The following SETMAR variants were observed in gnomAD, a reference collection of about 807,000 sequenced individuals.
The protein encoded by SETMAR is SET and mariner transposase domain methyltransferase, also known as histone-lysine N-methyltransferase SETMAR.
SETMAR carries 44 observed loss-of-function variants against 58.4 expected under a neutral mutation model. The observed-to-expected ratio is 0.75, with a 90% CI of 0.59 to 0.97. The LOEUF (loss-of-function observed/expected upper bound fraction) is 0.97. Ranked by LOEUF, SETMAR falls within the 50% of genes least tolerant of loss-of-function variation. The pLI, the probability that SETMAR is intolerant of heterozygous loss-of-function variation, is 0.00. For synonymous variants in SETMAR, 332 were observed against 307.4 expected, an observed-to-expected ratio of 1.08 and a Z score of -0.84; for missense variants, 903 against 840.2, an observed-to-expected ratio of 1.07 and a Z score of -0.92.
chr3:4,304,553 G>T (rs1052481102), intron 1 of SETMAR, among the ~76,000 whole-genome samples: 5 of 152,218 alleles, frequency 3.3e-5, no homozygotes, highest in Non-Finnish European at 7.3e-5. Context: ...GGAGAGTATG[G>T]TTCGGAGCTT....
At chr3:4,305,201 T>TCAGCTTCCCGAGTAGCTGGAATTA in intron 1 of SETMAR, among the ~76,000 whole-genome samples, 1 of 152,142 alleles carries the variant, frequency 6.6e-6, no homozygotes, top group South Asian at 2.1e-4. Context: ...TTCTTCCACC[T>TCAGCTTCCCGAGTAGCTGGAATTA]CAGCTTCCCG....
chr3:4,306,129 A>G (rs182977452), intron 1 of SETMAR, among the ~76,000 whole-genome samples: 43 of 152,166 alleles, frequency 2.8e-4, no homozygotes, highest in Non-Finnish European at 5.0e-4. Context: ...ATTAGCTTCA[A>G]TATTCCTGCC....
At position 4,313,625 on chromosome 3, in the gene SETMAR, C is replaced by T. The variant is rs759531079; in HGVS notation, c.884C>T (p.Thr295Ile). ...TGTTACTGTGGTGCCAAATCATGTA[C>T]TGCTTTCCTGCCTTTTGACAGTTCT... ...KPCYCGAKSCTAFLPFDSSLY... is the reference protein window; with the variant it reads ...KPCYCGAKSCIAFLPFDSSLY... Residue 295 changes from threonine to isoleucine, a missense_variant, in exon 2 of 3, where the codon ACT (threonine) becomes ATT (isoleucine). Coordinates refer to ENST00000358065, the MANE Select transcript of SETMAR (RefSeq NM_006515.4). The T allele has an allele frequency of 3.0e-5, 49 of 1,613,980 alleles. 3 individuals carry two copies. In the South Asian group the frequency reaches 4.7e-4, roughly 16 times the overall value.
At chr3:4,310,691 A>G (rs1282672944) in intron 1 of SETMAR, among the ~76,000 whole-genome samples, 1 of 152,166 alleles carries the variant, frequency 6.6e-6, no homozygotes, top group Non-Finnish European at 1.5e-5. Context: ...TAAATTTGTA[A>G]GTAAAAATAA....
chr3:4,315,526 G>C (rs1357067679), intron 2 of SETMAR, among the ~76,000 whole-genome samples: 2 of 152,238 alleles, frequency 1.3e-5, no homozygotes, highest in South Asian at 2.1e-4. Context: ...TCAGGCACTA[G>C]TTTATTATAT....
intron 1 of SETMAR, chr3:4,304,004 C>T (rs140825060): frequency 4.0e-4 from 170 of 422,322 alleles, no homozygotes; most frequent in African/African-American, 3.5e-3. Context: ...GTGGCTCAGC[C>T]TTAGAGTCTT....
chr3:4,304,613 A>G (rs1698108666), intron 1 of SETMAR, among the ~76,000 whole-genome samples: 1 of 152,228 alleles, frequency 6.6e-6, no homozygotes, highest in Non-Finnish European at 1.5e-5. Context: ...CTGCAAAATG[A>G]AAATAATAAT....
intron 1 of SETMAR, among the ~76,000 whole-genome samples, chr3:4,308,589 C>G (rs1259752625): frequency 6.6e-6 from 1 of 152,138 alleles, no homozygotes; most frequent in Non-Finnish European, 1.5e-5. Flanking sequence ...TGTCTTATAG[C>G]TACTAATCTG....
chr3:4,316,619 ATCT>A lies in SETMAR; in HGVS notation c.1432_1434del (p.Ser478del). ...AAAAAAATCGTCGTTTTGAAGTGTC[ATCT>A]TCTCTTATTCTACGCAACCACAACG... On this transcript the variant is annotated inframe_deletion, in exon 3 of 3. Coordinates refer to ENST00000358065, the MANE Select transcript of SETMAR (RefSeq NM_006515.4). The A allele has an allele frequency of 1.9e-6, 3 of 1,551,234 alleles. No homozygotes were observed. Among genetic ancestry groups the A allele is most frequent in the South Asian group, 1.2e-5 (1 of 84,050 alleles).
chr3:4,316,898 A>C lies in SETMAR; in HGVS notation c.1707A>C (p.Lys569Asn). 1 of 1,549,354 alleles carries C rather than the reference A, an allele frequency of 6.5e-7. No individual in the cohort carries two copies. Among genetic ancestry groups the C allele is most frequent in the Non-Finnish European group, 8.7e-7 (1 of 1,146,722 alleles). The part of the protein sequence containing the change: ...YAQEIDEMNQ[K>N]LQRLQLALVN... ...AGGAAATCGATGAGATGAACCAAAA[A>C]CTGCAACGCCTGCAGCTGGCATTGG... Residue 569 changes from lysine (K) to asparagine (N), a missense_variant, in exon 3 of 3, where the codon AAA becomes AAC. Coordinates refer to ENST00000358065, the MANE Select transcript of SETMAR (RefSeq NM_006515.4).
At position 4,317,120 on chromosome 3, in the gene SETMAR, G is replaced by T; in HGVS notation, c.1929G>T (p.Gln643His). The T allele has an allele frequency of 6.5e-7, 1 of 1,545,404 alleles. No individual in the cohort carries two copies. The highest frequency in any genetic ancestry group is 8.7e-7 in the Non-Finnish European group (1 of 1,142,986). ...AGGGAAAACGCTTCCACAACCAGCA[G>T]GATGCAGAAAATGCTTTCCAAGAGT... ...FLQGKRFHNQ[Q>H]DAENAFQEFV... Residue 643 changes from glutamine to histidine, a missense_variant, in exon 3 of 3, where the codon CAG (glutamine) becomes CAT (histidine). Transcript: ENST00000358065.
At chr3:4,311,814 C>T (rs1391421417) in intron 1 of SETMAR, among the ~76,000 whole-genome samples, 3 of 152,102 alleles carry the variant, frequency 2.0e-5, no homozygotes, top group African/African-American at 7.2e-5. Flanking sequence ...AGGAATAAAG[C>T]AGGTATAAAA....
Position 4,312,905 on chromosome 3 carries a change from C to G in SETMAR, c.164C>G (p.Pro55Arg). The G allele has an allele frequency of 1.9e-6, 3 of 1,610,746 alleles. No individual in the cohort carries two copies. Among genetic ancestry groups the G allele is most frequent in the East Asian group, 4.5e-5 (2 of 44,884 alleles). The change falls in exon 2 of 3, where the codon CCT becomes CGT. Residue 55 changes from proline to arginine, a missense_variant. Physicochemically the swap from Pro to Arg is moderately radical, Grantham distance 103. Transcript: ENST00000358065. The stretch of plus-strand genomic sequence containing the variant: ...TGTGTATATTTTTTACAGTACACTC[C>G]TGATCATGTAGTTGGACCTGGAGCA... ...GAAPAPFQYT[P>R]DHVVGPGADI...
chr3:4,303,542 G>GGCGGCGCGGGAGGCGGGCGC lies in SETMAR; in HGVS notation c.156+22_156+41dup. 1 of 1,359,800 alleles carries GGCGGCGCGGGAGGCGGGCGC rather than the reference G, an allele frequency of 7.4e-7. No individual in the cohort carries two copies. The highest frequency in any genetic ancestry group is 9.4e-7 in the Non-Finnish European group (1 of 1,059,770). The allele number at this position is 1,359,800 out of a possible 1,614,324, so 84.2% of individuals were successfully genotyped here. A position where few individuals can be genotyped will look rare whatever the true frequency, so the allele number is the denominator to read the frequency against. On this transcript the variant is annotated intron_variant, in intron 1 of 2. Transcript: ENST00000358065. ...GCCCTTCCAGGTAGGGGCGGGGCCA[G>GGCGGCGCGGGAGGCGGGCGC]GCGGCGCGGGAGGCGGGCGCGCGGC...
In SETMAR at chr3:4,313,335, A is replaced by T. The variant is rs750435220; in HGVS notation, c.594A>T (p.Glu198Asp). 1 of 1,614,050 alleles carries T rather than the reference A, an allele frequency of 6.2e-7. No homozygotes were observed. Among genetic ancestry groups the T allele is most frequent in the Non-Finnish European group, 8.5e-7 (1 of 1,179,976 alleles). Residue 198 changes from glutamate (E) to aspartate (D), a missense_variant, in exon 2 of 3, where the codon GAA becomes GAT. Glu to Asp is a conservative substitution (Grantham distance 45, BLOSUM62 2). Transcript: ENST00000358065. ...CCAATTACATTATAGCCATCAGGGA[A>T]CATGTTTATAATGGGCAGGTAATGG... ...SDSNYIIAIR[E>D]HVYNGQVMET...
At chr3:4,309,896 G>T (rs1162930188) in intron 1 of SETMAR, among the ~76,000 whole-genome samples, 1 of 152,168 alleles carries the variant, frequency 6.6e-6, no homozygotes, top group African/African-American at 2.4e-5. Context: ...TCTGAGAAAT[G>T]CATCATTAGA....
chr3:4,303,494 T>A lies in SETMAR; in HGVS notation c.124T>A (p.Trp42Arg), dbSNP rs970883416. Residue 42 changes from tryptophan to arginine, a missense_variant, in exon 1 of 3, where the codon TGG becomes AGG. Physicochemically the swap from Trp to Arg is moderately radical, Grantham distance 101. Coordinates refer to ENST00000358065, the MANE Select transcript of SETMAR (RefSeq NM_006515.4). Reference protein sequence around the residue: ...CGQENLPVGAWPPGAAPAPFQ... With the variant: ...CGQENLPVGARPPGAAPAPFQ... Reference sequence around the variant, plus strand: ...CCAGGAAAACTTGCCGGTGGGCGCGTGGCCCCCGGGGGCCGCGCCGGCGCC... The same window carrying A: ...CCAGGAAAACTTGCCGGTGGGCGCGAGGCCCCCGGGGGCCGCGCCGGCGCC... The A allele has an allele frequency of 6.8e-7, 1 of 1,480,740 alleles. No individual in the cohort carries two copies. Among genetic ancestry groups the A allele is most frequent in the Non-Finnish European group, 8.9e-7 (1 of 1,120,410 alleles). The allele number at this position is 1,480,740 out of a possible 1,614,324, so 91.7% of individuals were successfully genotyped here. A position where few individuals can be genotyped will look rare whatever the true frequency, so the allele number is the denominator to read the frequency against.
intron 1 of SETMAR, among the ~76,000 whole-genome samples, chr3:4,304,500 G>T (rs1290840988): frequency 6.6e-6 from 1 of 152,216 alleles, no homozygotes; most frequent in Non-Finnish European, 1.5e-5. Context: ...AATAAGGAAT[G>T]ACCAAAGATT....
chr3:4,316,134 G>T, intron 2 of SETMAR, 78 bp from the exon 3 acceptor site: 1 of 592,304 alleles, frequency 1.7e-6, no homozygotes, highest in Non-Finnish European at 3.0e-6. Flanking sequence ...ATGTGGTCAT[G>T]TTATACACCA....
Sources: allele counts gnomAD v4.1 joint callset (sites outside exome capture counted in the v4.1 genomes callset), GRCh38; gene constraint gnomAD v4.1.1; transcripts MANE v1.5; gene names NCBI Gene and HGNC (gene_info 2026-07-23, HGNC 2026-07-21).